The following PRKG1 variants were observed in gnomAD, a reference collection of about 807,000 sequenced individuals.
The protein encoded by PRKG1 is protein kinase cGMP-dependent 1, also known as cGMP-dependent protein kinase 1.
A neutral mutation model predicts 88.1 loss-of-function variants in PRKG1; 35 were observed. That is an observed-to-expected ratio of 0.40 (90% CI 0.30 to 0.53). PRKG1 has a LOEUF of 0.53. PRKG1 is among the 20% of genes least tolerant of loss of function. The pLI is 0.59. For missense variants in PRKG1, 540 were observed against 839.8 expected (o/e 0.64, Z 4.41); for synonymous variants, 303 against 292.5 (o/e 1.04, Z -0.37).
At chr10:52,127,085 G>A (rs1320904505) in intron 7 of PRKG1, among the ~76,000 whole-genome samples, 2 of 151,992 alleles carry the variant, frequency 1.3e-5, no homozygotes, top group African/African-American at 4.8e-5. Context: ...AGATAGTGGT[G>A]GCCCACAGTA....
chr10:52,002,192 A>G (rs1844617020), intron 5 of PRKG1, among the ~76,000 whole-genome samples: 1 of 152,126 alleles, frequency 6.6e-6, no homozygotes, highest in Non-Finnish European at 1.5e-5. Flanking sequence ...GCTCAGATTT[A>G]TATTTTTAAT....
chr10:52,073,830 CAT>C (rs1846564115), intron 7 of PRKG1, among the ~76,000 whole-genome samples: 1 of 152,162 alleles, frequency 6.6e-6, no homozygotes, highest in African/African-American at 2.4e-5. Flanking sequence ...TTAGAGAAAA[CAT>C]AATGCATAAA....
intron 2 of PRKG1, among the ~76,000 whole-genome samples, chr10:51,406,617 G>GT (rs1403348680): frequency 2.6e-5 from 2 of 78,012 alleles, no homozygotes; most frequent in Non-Finnish European, 2.6e-5. Context: ...TAAGCATTAT[G>GT]TTTGTTTTTT....
At chr10:51,092,296 T>A (rs1053235995) in intron 1 of PRKG1, among the ~76,000 whole-genome samples, 3 of 152,210 alleles carry the variant, frequency 2.0e-5, no homozygotes, top group Non-Finnish European at 4.4e-5. Flanking sequence ...GTTCTTTAGA[T>A]GTGCCTGAAG....
chr10:51,509,589 T>A (rs991959498), intron 3 of PRKG1, among the ~76,000 whole-genome samples: 5 of 152,074 alleles, frequency 3.3e-5, no homozygotes, highest in African/African-American at 1.2e-4. Context: ...TTGAGCAAGC[T>A]GGTCTCAAAC....
At chr10:51,233,082 T>C (rs1035641130) in intron 2 of PRKG1, among the ~76,000 whole-genome samples, 1 of 152,072 alleles carries the variant, frequency 6.6e-6, no homozygotes, top group African/African-American at 2.4e-5. Flanking sequence ...AAGATACATA[T>C]GCGCAAGAAT....
chr10:51,966,893 TA>T (rs1458891195), intron 5 of PRKG1, among the ~76,000 whole-genome samples: 1 of 151,700 alleles, frequency 6.6e-6, no homozygotes, highest in East Asian at 1.9e-4. Flanking sequence ...TGGCAATCAT[TA>T]AAAAGTCAGG....
Position 51,935,511 on chromosome 10 carries a change from C to T in PRKG1, c.762+27941C>T, listed in dbSNP as rs190317883. Among the ~76,000 whole-genome samples, 164 of 152,184 alleles carry T rather than the reference C, an allele frequency of 1.1e-3. 1 individual carries two copies. Among genetic ancestry groups the T allele is most frequent in the Non-Finnish European group, 1.8e-3 (121 of 67,970 alleles). ...GATTTGAAGATAAAAATGTTTTAAC[C>T]TTGGAGCACAGATAACCAGACATCT... On this transcript the variant is annotated intron_variant, in intron 5 of 17. Transcript: ENST00000373980.
At chr10:52,164,113 G>C (rs1838360263) in intron 9 of PRKG1, among the ~76,000 whole-genome samples, 1 of 152,142 alleles carries the variant, frequency 6.6e-6, no homozygotes, top group South Asian at 2.1e-4. Context: ...CACTTTGGGA[G>C]GTCAAGGGGG....
chr10:51,870,278 G>C (rs12356507), intron 4 of PRKG1, among the ~76,000 whole-genome samples: 1 of 152,078 alleles, frequency 6.6e-6, no homozygotes, highest in Non-Finnish European at 1.5e-5. Flanking sequence ...ATTTTTACTA[G>C]ATTTTCAATG....
chr10:51,211,280 T>A (rs527924546), intron 2 of PRKG1, among the ~76,000 whole-genome samples: 2,795 of 151,694 alleles, frequency 0.018, 39 homozygotes, highest in Middle Eastern at 0.048. Context: ...TCATGCTAAA[T>A]ACTCTCAATA....
At chr10:51,267,609 T>C (rs957563011) in intron 2 of PRKG1, among the ~76,000 whole-genome samples, 1 of 152,124 alleles carries the variant, frequency 6.6e-6, no homozygotes, top group South Asian at 2.1e-4. Context: ...GCAAGCCACA[T>C]GTAGAAGAAT....
intron 1 of PRKG1, among the ~76,000 whole-genome samples, chr10:51,121,697 G>C (rs1284638133): frequency 2.0e-5 from 3 of 152,036 alleles, no homozygotes; most frequent in Non-Finnish European, 4.4e-5. Context: ...CAGATAATGT[G>C]GCACCAAGAT....
At chr10:51,622,319 C>G (rs1263048337) in intron 3 of PRKG1, among the ~76,000 whole-genome samples, 1 of 152,198 alleles carries the variant, frequency 6.6e-6, no homozygotes, top group Non-Finnish European at 1.5e-5. Flanking sequence ...AGATGCTTCA[C>G]CTTCAGGCTT....
chr10:52,230,444 T>C (rs1840494403), intron 9 of PRKG1, among the ~76,000 whole-genome samples: 1 of 152,256 alleles, frequency 6.6e-6, no homozygotes, highest in Non-Finnish European at 1.5e-5. Context: ...CATTTATTAA[T>C]ATTTATGATA....
At position 51,473,029 on chromosome 10, in the gene PRKG1, C is replaced by T. The variant is rs773365911; in HGVS notation, c.592+5193C>T. Among the ~76,000 whole-genome samples, 6 of 152,020 alleles carry T rather than the reference C, an allele frequency of 3.9e-5. No individual in the cohort carries two copies. The East Asian group carries it at 7.7e-4, about 20-fold the overall frequency. On this transcript the variant is annotated intron_variant, in intron 3 of 17. Coordinates refer to ENST00000373980, the MANE Select transcript of PRKG1 (RefSeq NM_006258.4). ...AGTGACTTCCCACAAATGTTATCAT[C>T]GCAGACAATGAAGCAAACATAGTAT...
intron 3 of PRKG1, among the ~76,000 whole-genome samples, chr10:51,468,910 T>G (rs1839976803): frequency 1.3e-5 from 2 of 151,868 alleles, no homozygotes; most frequent in African/African-American, 4.8e-5. Flanking sequence ...GTCTTATACA[T>G]CTTATTAGTG....
chr10:51,397,459 G>T (rs774270290), intron 2 of PRKG1, among the ~76,000 whole-genome samples: 19 of 152,046 alleles, frequency 1.2e-4, no homozygotes, highest in Non-Finnish European at 2.1e-4. Flanking sequence ...GCGTCTCGAG[G>T]GCACTTCATG....
intron 2 of PRKG1, among the ~76,000 whole-genome samples, chr10:51,299,011 T>C (rs1207800769): frequency 3.3e-5 from 5 of 152,168 alleles, no homozygotes; most frequent in Non-Finnish European, 1.5e-5. Flanking sequence ...TAAAGTGTAA[T>C]AATGAAAGGA....
Sources: gnomAD v4.1 joint callset for allele counts (sites outside exome capture counted in the v4.1 genomes callset) on GRCh38, gnomAD v4.1.1 for gene constraint, MANE v1.5 for transcripts, NCBI Gene and HGNC (gene_info 2026-07-23, HGNC 2026-07-21) for gene names.